SOX6: variants seen among roughly 807,000 people sequenced by gnomAD.
SOX6 encodes the protein transcription factor SOX-6.
In SOX6, 11 loss-of-function variants were observed where a neutral mutation model predicts 97.8. That is an observed-to-expected ratio of 0.11 (90% CI 0.07 to 0.19). The LOEUF (loss-of-function observed/expected upper bound fraction) is 0.19. Ranked by LOEUF, SOX6 falls within the 10% of genes least tolerant of loss-of-function variation. SOX6 has a pLI of 1.00. For synonymous variants in SOX6, 360 were observed against 371.4 expected, an observed-to-expected ratio of 0.97 and a Z score of 0.35; for missense variants, 810 against 1,039.5, an observed-to-expected ratio of 0.78 and a Z score of 3.04.
intron 4 of SOX6, among the ~76,000 whole-genome samples, chr11:16,503,922 A>T (rs1292581513): frequency 6.6e-6 from 1 of 152,108 alleles, no homozygotes; most frequent in Non-Finnish European, 1.5e-5. Flanking sequence ...GGGTGCCTGT[A>T]GTCCCAGCTA....
chr11:16,131,132 A>G (rs1849730038), intron 6 of SOX6, among the ~76,000 whole-genome samples: 1 of 151,926 alleles, frequency 6.6e-6, no homozygotes, highest in Admixed American at 6.6e-5. Flanking sequence ...AAAATCGTAA[A>G]CTTTGCTCTT....
At chr11:16,092,833 AC>A (rs1355213463) in intron 9 of SOX6, among the ~76,000 whole-genome samples, 2 of 150,606 alleles carry the variant, frequency 1.3e-5, no homozygotes, top group East Asian at 4.2e-4. Flanking sequence ...GAATAAATAC[AC>A]TGAAGTCCCT....
intron 3 of SOX6, among the ~76,000 whole-genome samples, chr11:16,651,758 TG>T (rs1276347836): frequency 1.3e-5 from 2 of 152,132 alleles, no homozygotes; most frequent in African/African-American, 4.8e-5. Context: ...AACATAGTAC[TG>T]GAAGTCCTAG....
intron 2 of SOX6, among the ~76,000 whole-genome samples, chr11:16,735,327 C>T (rs1035520943): frequency 2.6e-5 from 4 of 152,084 alleles, no homozygotes; most frequent in African/African-American, 9.7e-5. Flanking sequence ...GAATATATGC[C>T]CCATCCTGCC....
At chr11:16,513,224 A>G (rs1326175234) in intron 4 of SOX6, among the ~76,000 whole-genome samples, 1 of 152,224 alleles carries the variant, frequency 6.6e-6, no homozygotes. Context: ...TGTAACTAAG[A>G]AAATGTACAC....
chr11:16,090,388 G>A (rs916992015), intron 9 of SOX6, among the ~76,000 whole-genome samples: 2 of 152,056 alleles, frequency 1.3e-5, no homozygotes, highest in African/African-American at 4.8e-5. Context: ...AGAAAATCCA[G>A]TTTATCCAAT....
intron 9 of SOX6, among the ~76,000 whole-genome samples, chr11:16,072,101 T>C (rs1848240308): frequency 6.6e-6 from 1 of 151,988 alleles, no homozygotes; most frequent in East Asian, 1.9e-4. Flanking sequence ...GGCTGAAATG[T>C]CAAAAACAGA....
intron 3 of SOX6, among the ~76,000 whole-genome samples, chr11:16,623,679 AT>A (rs757801288): frequency 5.3e-5 from 8 of 152,056 alleles, no homozygotes; most frequent in Non-Finnish European, 1.0e-4. Context: ...ATCTTCTAGA[AT>A]TTTTACAGTT....
chr11:16,482,833 T>G (rs983033219), intron 4 of SOX6, among the ~76,000 whole-genome samples: 13 of 152,198 alleles, frequency 8.5e-5, no homozygotes, highest in African/African-American at 2.9e-4. Flanking sequence ...AATTAAAATT[T>G]TTACTGTTTC....
intron 2 of SOX6, among the ~76,000 whole-genome samples, chr11:16,719,097 TAA>T (rs1403409827): frequency 1.3e-5 from 2 of 151,810 alleles, no homozygotes; most frequent in East Asian, 1.9e-4. Context: ...TGTAAAATTA[TAA>T]GTCATATAAA....
At chr11:16,029,980 C>T (rs966252927) in intron 12 of SOX6, among the ~76,000 whole-genome samples, 2 of 152,098 alleles carry the variant, frequency 1.3e-5, no homozygotes, top group Admixed American at 6.5e-5. Flanking sequence ...TTTGAATTTG[C>T]GTTATGATCA....
rs982612448 is a variant in SOX6 at position 16,502,455 on chromosome 11, TATA to T, written n.610-26070_610-26068del. 3.2e-4 allele frequency among the ~76,000 whole-genome samples: 34 copies of T among 106,716 alleles called. 1 individual carries two copies. The highest frequency in any genetic ancestry group is 1.1e-3 in the African/African-American group (34 of 29,746). 70.0% of individuals were successfully genotyped at this position (106,716 alleles called of 152,430 possible). A position where few individuals can be genotyped will look rare whatever the true frequency, so the allele number is the denominator to read the frequency against. On this transcript the variant is annotated intron_variant and non_coding_transcript_variant, in intron 4 of 5. Coordinates refer to the SOX6 transcript ENST00000524520. ...GTTAACATGTACCCTAAAATTTAAG[TATA>T]ATAATAAAAAAAATCCAGAAAAACA...
intron 6 of SOX6, among the ~76,000 whole-genome samples, chr11:16,170,413 T>A (rs1851006047): frequency 1.3e-5 from 2 of 152,008 alleles, no homozygotes; most frequent in Admixed American, 6.6e-5. Flanking sequence ...ATGCAATGAC[T>A]TTTTTAGTCA....
intron 3 of SOX6, among the ~76,000 whole-genome samples, chr11:16,271,883 TC>T (rs2134230541): frequency 6.6e-6 from 1 of 151,136 alleles, no homozygotes; most frequent in South Asian, 2.1e-4. Context: ...TTTGCTTTTT[TC>T]TTTGGTTCAT....
chr11:16,009,606 C>T (rs1035000766), intron 13 of SOX6, among the ~76,000 whole-genome samples: 1 of 152,064 alleles, frequency 6.6e-6, no homozygotes, highest in African/African-American at 2.4e-5. Flanking sequence ...GGCCAGTATT[C>T]TGTCTTCAGA....
chr11:16,245,073 G>T (rs1202915499), intron 3 of SOX6, among the ~76,000 whole-genome samples: 1 of 151,752 alleles, frequency 6.6e-6, no homozygotes, highest in Non-Finnish European at 1.5e-5. Context: ...AGCATTTAAA[G>T]ATATAAATTT....
chr11:16,726,921 G>A (rs1995343), intron 2 of SOX6, among the ~76,000 whole-genome samples: 127,124 of 152,188 alleles, frequency 0.84, 53,179 homozygotes, highest in Middle Eastern at 0.91. Flanking sequence ...TCCTTTTTGT[G>A]TTTTTATTTT....
At chr11:16,385,222 A>G (rs1384558413) in intron 1 of SOX6, among the ~76,000 whole-genome samples, 1 of 152,028 alleles carries the variant, frequency 6.6e-6, no homozygotes, top group Non-Finnish European at 1.5e-5. Flanking sequence ...CCTGATCCCA[A>G]TTAATATTCA....
At chr11:16,505,659 T>C (rs910325637) in intron 4 of SOX6, among the ~76,000 whole-genome samples, 1 of 152,182 alleles carries the variant, frequency 6.6e-6, no homozygotes, top group African/African-American at 2.4e-5. Context: ...GAGACCTTCA[T>C]GGCAGCCTCT....
Sources: gnomAD v4.1 joint callset for allele counts (sites outside exome capture counted in the v4.1 genomes callset) on GRCh38, gnomAD v4.1.1 for gene constraint, MANE v1.5 for transcripts, NCBI Gene and HGNC (gene_info 2026-07-23, HGNC 2026-07-21) for gene names.